Variants in SYN2 observed in about 807,000 individuals in gnomAD.
SYN2 encodes the protein synapsin-2.
Under a neutral mutation model 50.9 loss-of-function variants are expected in SYN2, and 19 were observed. The ratio of observed to expected loss-of-function variants is 0.37; its 90% CI spans 0.26 to 0.55. The LOEUF (loss-of-function observed/expected upper bound fraction) is 0.55, where lower values mean the gene tolerates loss of function less well. Among genes scored for constraint, SYN2 ranks in the 20% least tolerant of loss-of-function variants. The pLI, the probability that SYN2 is intolerant of heterozygous loss-of-function variation, is 0.81. For synonymous variants in SYN2, 255 were observed against 224.9 expected, an observed-to-expected ratio of 1.13 and a Z score of -1.20; for missense variants, 587 against 576.4, an observed-to-expected ratio of 1.02 and a Z score of -0.19.
intron 1 of SYN2, among the ~76,000 whole-genome samples, chr3:12,085,290 T>C (rs900445991): frequency 2.6e-5 from 4 of 152,156 alleles, no homozygotes; most frequent in South Asian, 2.1e-4. Context: ...AAGGTCATTA[T>C]GTAAAGAGGT....
chr3:12,093,859 ATT>A (rs34441908), intron 1 of SYN2, among the ~76,000 whole-genome samples: 12 of 144,122 alleles, frequency 8.3e-5, no homozygotes, highest in South Asian at 4.4e-4. Flanking sequence ...CTGCCCTGCA[ATT>A]TTTTTTTTTT....
At chr3:12,070,487 G>T in intron 1 of SYN2, 2 of 643,570 alleles carry the variant, frequency 3.1e-6, no homozygotes, top group Non-Finnish European at 2.9e-6. Context: ...ACATGAAGAA[G>T]ATTTGGCACC....
intron 1 of SYN2, among the ~76,000 whole-genome samples, chr3:12,010,630 A>G (rs1339379919): frequency 6.6e-6 from 1 of 152,254 alleles, no homozygotes; most frequent in Non-Finnish European, 1.5e-5. Context: ...AATTTGTCAA[A>G]TGAGAGGATT....
At chr3:12,022,077 C>CA (rs76652649) in intron 1 of SYN2, among the ~76,000 whole-genome samples, 41,773 of 122,386 alleles carry the variant, frequency 0.34, 6,987 homozygotes, top group East Asian at 0.57. Flanking sequence ...GGCTCTGTGT[C>CA]AAAAAAAAAA....
At chr3:12,154,650 G>A (rs1029144127) in intron 5 of SYN2, among the ~76,000 whole-genome samples, 1 of 152,182 alleles carries the variant, frequency 6.6e-6, no homozygotes, top group African/African-American at 2.4e-5. Context: ...ATGTTTGTAC[G>A]AGGCAGAGTT....
chr3:12,012,061 G>A (rs116662091), intron 1 of SYN2, among the ~76,000 whole-genome samples: 87 of 152,108 alleles, frequency 5.7e-4, no homozygotes, highest in Non-Finnish European at 1.1e-3. Flanking sequence ...TCTGGGATGA[G>A]GAATCTTCTT....
chr3:12,096,152 A>C (rs919504230), intron 1 of SYN2, among the ~76,000 whole-genome samples: 14 of 152,068 alleles, frequency 9.2e-5, no homozygotes, highest in Non-Finnish European at 1.9e-4. Context: ...CATGTCATCC[A>C]TTTCTCCTAG....
chr3:12,190,828 A>G lies in SYN2; in HGVS notation c.*203A>G. Reference sequence around the variant, plus strand: ...GGCAGGTGCCTACCCAGCAAGGGGTACCTGGCATCAGAGAGGAAAGAGCTG... The same window carrying G: ...GGCAGGTGCCTACCCAGCAAGGGGTGCCTGGCATCAGAGAGGAAAGAGCTG... On this transcript the variant is annotated 3_prime_UTR_variant, in exon 13 of 13. Transcript: ENST00000621198. 7.5e-7 allele frequency: 1 copy of G among 1,339,818 alleles called. No homozygotes were observed. Among genetic ancestry groups the G allele is most frequent in the Non-Finnish European group, 9.5e-7 (1 of 1,051,924 alleles). 83.0% of individuals were successfully genotyped at this position (1,339,818 alleles called of 1,614,324 possible).
chr3:12,131,679 T>G (rs1281967339), intron 1 of SYN2, among the ~76,000 whole-genome samples: 39 of 152,280 alleles, frequency 2.6e-4, no homozygotes. Context: ...TTTGATAATC[T>G]TGTTATCTTG....
At chr3:12,016,760 G>A (rs1049753244) in intron 1 of SYN2, among the ~76,000 whole-genome samples, 1 of 152,154 alleles carries the variant, frequency 6.6e-6, no homozygotes, top group East Asian at 1.9e-4. Flanking sequence ...GGAGGCTGAG[G>A]CAGGAGAATT....
chr3:12,020,593 GGAA>G (rs1218373019), intron 1 of SYN2, among the ~76,000 whole-genome samples: 2 of 152,034 alleles, frequency 1.3e-5, no homozygotes, highest in Admixed American at 6.6e-5. Context: ...CAGCTTTGAA[GGAA>G]GAAGGACTCT....
At chr3:12,189,878 T>C (rs541986037) in intron 12 of SYN2, among the ~76,000 whole-genome samples, 4 of 152,292 alleles carry the variant, frequency 2.6e-5, no homozygotes. Context: ...AATATATTCT[T>C]TTGGAATCAG....
intron 5 of SYN2, among the ~76,000 whole-genome samples, chr3:12,152,744 G>A (rs1697337687): frequency 6.6e-6 from 1 of 152,186 alleles, no homozygotes; most frequent in African/African-American, 2.4e-5. Context: ...AAATAGGAAT[G>A]AAGATGTTAG....
At chr3:12,164,776 T>C (rs1241663352) in intron 7 of SYN2, among the ~76,000 whole-genome samples, 1 of 152,160 alleles carries the variant, frequency 6.6e-6, no homozygotes, top group South Asian at 2.1e-4. Context: ...TGTGAAGTGT[T>C]GGGGAGCTTT....
intron 5 of SYN2, chr3:12,154,209 C>A: frequency 6.9e-7 from 1 of 1,450,494 alleles, no homozygotes; most frequent in Non-Finnish European, 9.4e-7. Flanking sequence ...TTCTCATCCC[C>A]AACTTCATAC....
chr3:12,082,157 A>G (rs972702518), intron 1 of SYN2, among the ~76,000 whole-genome samples: 14 of 152,320 alleles, frequency 9.2e-5, no homozygotes, highest in African/African-American at 3.1e-4. Context: ...GAAATCAAAC[A>G]TGAGCTTTCA....
At chr3:12,069,159 A>ATCAG (rs1695284321) in intron 1 of SYN2, among the ~76,000 whole-genome samples, 1 of 151,580 alleles carries the variant, frequency 6.6e-6, no homozygotes, top group African/African-American at 2.4e-5. Context: ...TTGTTTATTC[A>ATCAG]TCAGTTGATG....
At chr3:12,024,801 C>T (rs1393774738) in intron 1 of SYN2, among the ~76,000 whole-genome samples, 3 of 152,064 alleles carry the variant, frequency 2.0e-5, no homozygotes, top group Admixed American at 6.6e-5. Context: ...GGTGTGTACC[C>T]AGGAGTGGCA....
At chr3:12,032,032 C>T (rs1031933659) in intron 1 of SYN2, among the ~76,000 whole-genome samples, 26 of 139,206 alleles carry the variant, frequency 1.9e-4, no homozygotes, top group African/African-American at 6.5e-4. Context: ...TTGTTCCTTT[C>T]CATGTTTAGC....
Sources: allele counts gnomAD v4.1 joint callset (sites outside exome capture counted in the v4.1 genomes callset), GRCh38; gene constraint gnomAD v4.1.1; transcripts MANE v1.5; gene names NCBI Gene and HGNC (gene_info 2026-07-23, HGNC 2026-07-21).